RPAP2: variants seen among roughly 807,000 people sequenced by gnomAD.
RPAP2 encodes putative RNA polymerase II subunit B1 CTD phosphatase RPAP2.
A neutral mutation model predicts 73.1 loss-of-function variants in RPAP2; 52 were observed. That is an observed-to-expected ratio of 0.71 (90% CI 0.57 to 0.90). The LOEUF (loss-of-function observed/expected upper bound fraction) is 0.90, where lower values mean the gene tolerates loss of function less well. Among genes scored for constraint, RPAP2 ranks in the 40% least tolerant of loss-of-function variants. The pLI is 0.00. For synonymous variants in RPAP2, 225 were observed against 242.1 expected (o/e 0.93, Z 0.65); for missense variants, 598 against 701.8 (o/e 0.85, Z 1.67).
intron 10 of RPAP2, among the ~76,000 whole-genome samples, chr1:92,343,586 T>G (rs1335095076): frequency 1.3e-5 from 2 of 152,178 alleles, no homozygotes; most frequent in African/African-American, 4.8e-5. Flanking sequence ...AAAATTTGAT[T>G]CAGGTATATA....
chr1:92,311,717 A>G (rs1190839417), intron 6 of RPAP2, among the ~76,000 whole-genome samples: 1 of 152,252 alleles, frequency 6.6e-6, no homozygotes, highest in Admixed American at 6.5e-5. Flanking sequence ...CCAGACCACC[A>G]CTATACTAAA....
intron 11 of RPAP2, among the ~76,000 whole-genome samples, chr1:92,373,460 A>C (rs1033194641): frequency 2.0e-5 from 3 of 152,136 alleles, no homozygotes; most frequent in African/African-American, 7.2e-5. Context: ...CCAGTATGTG[A>C]GAGATTTTTC....
chr1:92,313,431 T>C (rs1372255905), intron 6 of RPAP2, among the ~76,000 whole-genome samples: 1 of 132,048 alleles, frequency 7.6e-6, no homozygotes, highest in African/African-American at 2.7e-5. Context: ...TCAGTAATAT[T>C]TGGAAAGGAA....
chr1:92,321,360 C>T (rs2101166314), intron 7 of RPAP2, among the ~76,000 whole-genome samples: 1 of 152,268 alleles, frequency 6.6e-6, no homozygotes, highest in African/African-American at 2.4e-5. Context: ...GAGACAGCCC[C>T]ATGGCTATAT....
At chr1:92,365,919 C>T (rs1158136816) in intron 11 of RPAP2, among the ~76,000 whole-genome samples, 3 of 152,068 alleles carry the variant, frequency 2.0e-5, no homozygotes, top group Middle Eastern at 3.2e-3. Flanking sequence ...AAGAAAGTCA[C>T]TTGAGCCTCA....
chr1:92,381,590 T>TTTC (rs1557634473), intron 12 of RPAP2, among the ~76,000 whole-genome samples: 1 of 144,474 alleles, frequency 6.9e-6, no homozygotes, highest in Non-Finnish European at 1.6e-5. Context: ...GAGATTTTCT[T>TTTC]TTTTTTTTTT....
chr1:92,315,331 C>T (rs887068613), intron 6 of RPAP2, among the ~76,000 whole-genome samples: 1 of 151,986 alleles, frequency 6.6e-6, no homozygotes, highest in African/African-American at 2.4e-5. Context: ...TTCATGGTAC[C>T]CCAAAGCAAT....
In RPAP2 at chr1:92,306,945, G is replaced by C. The variant is rs79889666; in HGVS notation, c.400-243G>C. ...ACAGGTGCTAAAACTGAAAGGAAAT[G>C]AGGGAATGATTAACACCAAATTTAT... On this transcript the variant is annotated intron_variant, in intron 5 of 12. Transcript: ENST00000610020. Among the ~76,000 whole-genome samples, 7 of 152,268 alleles carry C rather than the reference G, an allele frequency of 4.6e-5. 1 individual carries two copies. Among genetic ancestry groups the C allele is most frequent in the Admixed American group, 3.3e-4 (5 of 15,292 alleles).
At chr1:92,374,000 T>C (rs1159754893) in intron 11 of RPAP2, among the ~76,000 whole-genome samples, 3 of 152,162 alleles carry the variant, frequency 2.0e-5, no homozygotes, top group Non-Finnish European at 4.4e-5. Flanking sequence ...AATATGTTTG[T>C]CTTTGCTGGT....
At chr1:92,305,674 C>T (rs1651182379) in intron 5 of RPAP2, among the ~76,000 whole-genome samples, 1 of 151,222 alleles carries the variant, frequency 6.6e-6, no homozygotes, top group Non-Finnish European at 1.5e-5. Context: ...AAAAGACAGA[C>T]AAACTAATAG....
At chr1:92,346,677 A>C (rs911766391) in intron 11 of RPAP2, among the ~76,000 whole-genome samples, 2 of 152,254 alleles carry the variant, frequency 1.3e-5, no homozygotes, top group Non-Finnish European at 2.9e-5. Context: ...AAAATCTGAC[A>C]GGTTTAAAGG....
At chr1:92,357,426 G>A (rs1266343511) in intron 11 of RPAP2, among the ~76,000 whole-genome samples, 1 of 152,206 alleles carries the variant, frequency 6.6e-6, no homozygotes, top group African/African-American at 2.4e-5. Context: ...AGACAGAAAG[G>A]ATTTCAAGAA....
chr1:92,327,035 C>CTGT (rs1487586918), intron 8 of RPAP2, among the ~76,000 whole-genome samples: 1 of 152,242 alleles, frequency 6.6e-6, no homozygotes, highest in African/African-American at 2.4e-5. Context: ...ATCTCGGAGA[C>CTGT]TGTTCCATGT....
rs756672895 is a variant in RPAP2 at position 92,345,915 on chromosome 1, G to A, written c.1688+1G>A. 6 of 1,590,092 alleles carry A rather than the reference G, an allele frequency of 3.8e-6. No individual in the cohort carries two copies. Among genetic ancestry groups the A allele is most frequent in the Admixed American group, 1.7e-5 (1 of 59,574 alleles). On this transcript the variant is annotated splice_donor_variant, in intron 11 of 12. Coordinates refer to ENST00000610020, the MANE Select transcript of RPAP2 (RefSeq NM_024813.3). LOFTEE classifies it high-confidence loss of function. Reference sequence around the variant, plus strand: ...TAATTGCTATGGTGTTGCTGTCATTGTAAGTACTCTCTCAGATTTTAACTC... The same window carrying A: ...TAATTGCTATGGTGTTGCTGTCATTATAAGTACTCTCTCAGATTTTAACTC...
chr1:92,300,242 A>G lies in RPAP2; in HGVS notation c.119+3A>G. The G allele has an allele frequency of 6.2e-7, 1 of 1,605,780 alleles. No homozygotes were observed. ...AAACAAGAAGATGCTTCTAAAAGGT[A>G]TGACAGCTACATGGACAACTACATT... On this transcript the variant is annotated splice_donor_region_variant and intron_variant, in intron 2 of 12. Coordinates refer to ENST00000610020, the MANE Select transcript of RPAP2 (RefSeq NM_024813.3).
At chr1:92,354,893 T>A (rs1335457907) in intron 11 of RPAP2, among the ~76,000 whole-genome samples, 1 of 141,422 alleles carries the variant, frequency 7.1e-6, no homozygotes. Context: ...TTATGTAAAT[T>A]ATTATTATTA....
chr1:92,302,591 T>TA (rs1650935547), intron 3 of RPAP2, among the ~76,000 whole-genome samples: 1 of 14,584 alleles, frequency 6.9e-5, no homozygotes, highest in African/African-American at 4.2e-4. Context: ...CCGCATTAAA[T>TA]TTTTTTTTTT....
At chr1:92,303,859 A>T (rs1651028244) in intron 3 of RPAP2, 118 bp from the exon 4 acceptor site, 5 of 561,360 alleles carry the variant, frequency 8.9e-6, no homozygotes, top group Non-Finnish European at 1.2e-5. Flanking sequence ...CCTCTAACTT[A>T]TGAGGAAGGT....
intron 11 of RPAP2, among the ~76,000 whole-genome samples, chr1:92,373,336 A>C (rs1442954705): frequency 6.6e-6 from 1 of 152,174 alleles, no homozygotes; most frequent in East Asian, 1.9e-4. Context: ...GCACAAATTG[A>C]GATATGGTTA....
Sources: gnomAD v4.1 joint callset for allele counts (sites outside exome capture counted in the v4.1 genomes callset) on GRCh38, gnomAD v4.1.1 for gene constraint, MANE v1.5 for transcripts, NCBI Gene and HGNC (gene_info 2026-07-23, HGNC 2026-07-21) for gene names.